The following GCN1 variants were observed in gnomAD, a reference collection of about 807,000 sequenced individuals.
GCN1 encodes GCN1 activator of EIF2AK4, also known as stalled ribosome sensor GCN1.
GCN1 carries 90 observed loss-of-function variants against 288.4 expected under a neutral mutation model. The ratio of observed to expected loss-of-function variants is 0.31; its 90% confidence interval spans 0.26 to 0.37. The LOEUF is 0.37. Ranked by LOEUF, GCN1 falls within the 10% of genes least tolerant of loss-of-function variation. The probability of loss-of-function intolerance (pLI) is 1.00; values close to 1 mark genes in which losing one functional copy is unlikely to be tolerated. For missense variants in GCN1, 2,586 were observed against 3,419.9 expected (o/e 0.76, Z 6.08); for synonymous variants, 1,386 against 1,420.2 (o/e 0.98, Z 0.54).
chr12:120,181,657 T>C (rs909138951), intron 5 of GCN1, among the ~76,000 whole-genome samples: 9 of 150,704 alleles, frequency 6.0e-5, no homozygotes, highest in Admixed American at 4.6e-4. Context: ...CTGACCAACA[T>C]AGAGAAACCC....
intron 39 of GCN1, 97 bp from the exon 40 acceptor site, chr12:120,145,158 CTT>C: frequency 6.4e-7 from 1 of 1,566,436 alleles, no homozygotes; most frequent in African/African-American, 1.4e-5. Flanking sequence ...GCCTCTTTCT[CTT>C]TACCCAACAG....
At chr12:120,189,998 C>CA (rs948050626) in intron 2 of GCN1, among the ~76,000 whole-genome samples, 13 of 150,908 alleles carry the variant, frequency 8.6e-5, no homozygotes, top group Middle Eastern at 3.4e-3. Flanking sequence ...GAAAAAAACA[C>CA]AAAAAAAACC....
At chr12:120,151,859 C>T (rs1278463565) in intron 33 of GCN1, among the ~76,000 whole-genome samples, 4 of 152,220 alleles carry the variant, frequency 2.6e-5, no homozygotes, top group Non-Finnish European at 5.9e-5. Context: ...CTCAATCCTG[C>T]CTCCCAGCCG....
intron 5 of GCN1, among the ~76,000 whole-genome samples, chr12:120,181,810 G>C (rs998969378): frequency 8.4e-6 from 1 of 118,824 alleles, no homozygotes; most frequent in Non-Finnish European, 1.7e-5. Flanking sequence ...TTGCACTCCA[G>C]CCTATGCAAC....
intron 56 of GCN1, among the ~76,000 whole-genome samples, chr12:120,130,093 A>G (rs2240314): frequency 0.19 from 29,460 of 152,168 alleles, 3,289 homozygotes; most frequent in East Asian, 0.46. Flanking sequence ...AGCACCACTG[A>G]CACTGTTGCT....
At chr12:120,143,440 G>A (rs1877260467) in intron 42 of GCN1, among the ~76,000 whole-genome samples, 1 of 152,206 alleles carries the variant, frequency 6.6e-6, no homozygotes, top group Non-Finnish European at 1.5e-5. Flanking sequence ...AAATTAGCCA[G>A]GCGTGCTGGC....
At chr12:120,178,501 C>A in intron 7 of GCN1, 124 bp downstream of exon 7, 2 of 940,276 alleles carry the variant, frequency 2.1e-6, no homozygotes, top group South Asian at 1.5e-5. Context: ...AGAAAACCAA[C>A]AAGTTTCAGA....
chr12:120,129,119 G>T (rs1040850885), intron 57 of GCN1, among the ~76,000 whole-genome samples, 157 bp downstream of exon 57: 2 of 152,162 alleles, frequency 1.3e-5, no homozygotes, highest in African/African-American at 4.8e-5. Context: ...GCGAGCCACC[G>T]CGCCCGGCCC....
chr12:120,147,031 T>C, intron 38 of GCN1, 21 bp downstream of exon 38: 1 of 1,466,768 alleles, frequency 6.8e-7, no homozygotes, highest in South Asian at 1.4e-5. Context: ...TATCCCACAC[T>C]AGCCTCAGCT....
chr12:120,136,698 C>T lies in GCN1; in HGVS notation c.6812G>A (p.Gly2271Glu). 1.2e-6 allele frequency: 2 copies of T among 1,613,888 alleles called. No individual in the cohort carries two copies. The highest frequency in any genetic ancestry group is 1.7e-6 in the Non-Finnish European group (2 of 1,179,982). The change falls in exon 51 of 58, where the codon GGA becomes GAA. Residue 2271 changes from glycine (G) to glutamate (E), a missense_variant. Around this residue, in one of 8 missense-constraint regions of GCN1, gnomAD observed 437 missense variants for 570.5 expected, o/e 0.77. Transcript: ENST00000300648. ...VTSILPVLRE[G>E]VLTGSPEQKE... ...CTGCTCAGGGCTGCCAGTCAGGACT[C>T]CTTCCCGCAACACTGGAAGGATGGA...
In GCN1 at chr12:120,127,716, T is replaced by C; in HGVS notation, c.*133A>G. ...TGTGGGTTTGATTTAAGGCTTTGGCTGTGGTCTATTGATATTAAAATACTT... is the reference window on the plus strand; with the variant it reads ...TGTGGGTTTGATTTAAGGCTTTGGCCGTGGTCTATTGATATTAAAATACTT... On this transcript the variant is annotated 3_prime_UTR_variant, in exon 58 of 58. Transcript: ENST00000300648. The C allele has an allele frequency of 1.0e-6, 1 of 961,976 alleles. No individual in the cohort carries two copies. Among genetic ancestry groups the C allele is most frequent in the East Asian group, 2.4e-5 (1 of 41,116 alleles). The allele number at this position is 961,976 out of a possible 1,614,324, so 59.6% of individuals were successfully genotyped here.
At chr12:120,131,849 G>A (rs1876835396) in intron 54 of GCN1, 77 bp downstream of exon 54, 3 of 862,642 alleles carry the variant, frequency 3.5e-6, no homozygotes, top group East Asian at 5.3e-5. Context: ...TCTGAGGGAG[G>A]GAGGGAGATG....
chr12:120,185,551 TAC>T (rs750351258), intron 2 of GCN1, among the ~76,000 whole-genome samples: 150 of 152,330 alleles, frequency 9.8e-4, no homozygotes, highest in Admixed American at 2.4e-3. Flanking sequence ...AGATCATTCA[TAC>T]ACATTCACTC....
At chr12:120,177,284 C>T (rs1355807744) in intron 9 of GCN1, among the ~76,000 whole-genome samples, 163 bp downstream of exon 9, 1 of 152,104 alleles carries the variant, frequency 6.6e-6, no homozygotes, top group Non-Finnish European at 1.5e-5. Flanking sequence ...TCAACATAAT[C>T]GCAAAAGGTC....
intron 38 of GCN1, 48 bp downstream of exon 38, chr12:120,147,002 ACT>A: frequency 8.7e-7 from 1 of 1,145,424 alleles, no homozygotes; most frequent in Non-Finnish European, 1.2e-6. Context: ...CTGACTCTGC[ACT>A]CAAACATCTT....
At chr12:120,150,499 G>A (rs566516460) in intron 34 of GCN1, among the ~76,000 whole-genome samples, 59 of 152,016 alleles carry the variant, frequency 3.9e-4, no homozygotes, top group Non-Finnish European at 7.6e-4. Context: ...GGTGGCTGAG[G>A]TAGGAGAATT....
chr12:120,152,027 T>A (rs760158089), intron 33 of GCN1, among the ~76,000 whole-genome samples: 3 of 152,092 alleles, frequency 2.0e-5, no homozygotes, highest in Non-Finnish European at 4.4e-5. Context: ...AGTTTTTTGT[T>A]GTTTTTTGTT....
Position 120,176,230 on chromosome 12 carries a change from G to T in GCN1, c.839-13C>A. On this transcript the variant is annotated splice_polypyrimidine_tract_variant and intron_variant, in intron 9 of 57. Transcript: ENST00000300648. ...AGACTAGAAATAGCTAAGGGGGACAGAAAGCACTGACCATGTCAGTCTAAG... is the reference window on the plus strand; with the variant it reads ...AGACTAGAAATAGCTAAGGGGGACATAAAGCACTGACCATGTCAGTCTAAG... 1.3e-6 allele frequency: 2 copies of T among 1,562,122 alleles called. No homozygotes were observed. Among genetic ancestry groups the T allele is most frequent in the Non-Finnish European group, 1.8e-6 (2 of 1,132,766 alleles).
intron 16 of GCN1, among the ~76,000 whole-genome samples, chr12:120,167,279 G>A (rs939069569): frequency 6.6e-6 from 1 of 151,308 alleles, no homozygotes; most frequent in Non-Finnish European, 1.5e-5. Context: ...CTTGAACCCA[G>A]GGGGAGAGGT....
Sources: gnomAD v4.1 joint callset for allele counts (sites outside exome capture counted in the v4.1 genomes callset) on GRCh38, gnomAD v4.1.1 for gene constraint, gnomAD v4.1.1 regional missense constraint, MANE v1.5 for transcripts, NCBI Gene and HGNC (gene_info 2026-07-23, HGNC 2026-07-21) for gene names.